Variants in IL1RAPL1 observed in about 807,000 individuals in gnomAD.
IL1RAPL1 encodes the protein interleukin 1 receptor accessory protein like 1.
In IL1RAPL1, 3 loss-of-function variants were observed where a neutral mutation model predicts 48.4. The ratio of observed to expected loss-of-function variants is 0.06; its 90% CI spans 0.03 to 0.16. The LOEUF (loss-of-function observed/expected upper bound fraction) is 0.16, where lower values mean the gene tolerates loss of function less well. Among genes scored for constraint, IL1RAPL1 ranks in the 10% least tolerant of loss-of-function variants. The pLI is 1.00. For missense variants in IL1RAPL1, 349 were observed against 530.6 expected (o/e 0.66, Z 3.36); for synonymous variants, 185 against 187.7 (o/e 0.99, Z 0.12).
intron 2 of IL1RAPL1, among the ~76,000 whole-genome samples, chrX:29,023,499 T>G (rs1406439395): frequency 8.9e-6 from 1 of 112,754 alleles, no homozygotes; most frequent in African/African-American, 3.2e-5. Context: ...GATTGCTTTA[T>G]GCATCTGCAA....
intron 1 of IL1RAPL1, among the ~76,000 whole-genome samples, chrX:28,705,849 T>A (rs183082643): frequency 8.9e-6 from 1 of 112,287 alleles, no homozygotes; most frequent in East Asian, 2.8e-4. Flanking sequence ...TAGCTACAAC[T>A]AGTAAAATTG....
chrX:29,230,504 C>CAAA lies in IL1RAPL1; in HGVS notation c.83-52405_83-52403dup, dbSNP rs60539139. ...TGCTCTATCATTATGGTCCCTTTAC[C>CAAA]AAAAAAAAAAAAAAAAAAAAAAAAA... On this transcript the variant is annotated intron_variant, in intron 2 of 10. Coordinates refer to ENST00000378993, the MANE Select transcript of IL1RAPL1 (RefSeq NM_014271.4). Among the ~76,000 whole-genome samples, 20 of 16,591 alleles carry CAAA rather than the reference C, an allele frequency of 1.2e-3. 1 individual carries two copies. Among genetic ancestry groups the CAAA allele is most frequent in the African/African-American group, 4.0e-3 (14 of 3,486 alleles). The allele number at this position is 16,591 out of a possible 115,157, so 14.4% of individuals were successfully genotyped here. A position where few individuals can be genotyped will look rare whatever the true frequency, so the allele number is the denominator to read the frequency against.
chrX:29,537,714 AC>A (rs1264892303), intron 5 of IL1RAPL1, among the ~76,000 whole-genome samples: 1 of 111,091 alleles, frequency 9.0e-6, no homozygotes, highest in Non-Finnish European at 1.9e-5. Context: ...TAGTTGTAGA[AC>A]AGAATGTAAA....
At chrX:28,646,666 G>A (rs1712065244) in intron 1 of IL1RAPL1, among the ~76,000 whole-genome samples, 3 of 111,781 alleles carry the variant, frequency 2.7e-5, no homozygotes, top group South Asian at 3.7e-4. Flanking sequence ...TTTCTCCTTC[G>A]TGGGACAGAA....
chrX:29,874,790 G>T (rs1931869164), intron 6 of IL1RAPL1, among the ~76,000 whole-genome samples: 1 of 112,204 alleles, frequency 8.9e-6, no homozygotes, highest in South Asian at 3.7e-4. Flanking sequence ...GACGCTTCCT[G>T]CAGCATCAAC....
chrX:29,571,251 T>G (rs969264952), intron 5 of IL1RAPL1, among the ~76,000 whole-genome samples: 1 of 110,429 alleles, frequency 9.1e-6, no homozygotes, highest in African/African-American at 3.3e-5. Flanking sequence ...ATAATTTGTC[T>G]AAACAGAGTT....
chrX:29,218,933 T>G (rs1350411179), intron 2 of IL1RAPL1, among the ~76,000 whole-genome samples: 1 of 112,443 alleles, frequency 8.9e-6, no homozygotes, highest in Non-Finnish European at 1.9e-5. Context: ...GCATGTCAAC[T>G]CACATACTTG....
chrX:29,868,498 T>C (rs1203790937), intron 6 of IL1RAPL1, among the ~76,000 whole-genome samples: 2 of 112,161 alleles, frequency 1.8e-5, no homozygotes, highest in African/African-American at 6.5e-5. Flanking sequence ...CCATTCTCTC[T>C]GGCTAGGCCC....
intron 6 of IL1RAPL1, among the ~76,000 whole-genome samples, chrX:29,915,893 TCC>T (rs1321357774): frequency 3.3e-5 from 1 of 30,401 alleles, no homozygotes; most frequent in Non-Finnish European, 5.9e-5. Context: ...ATGCTATCCC[TCC>T]CCCCTCCCCC....
At chrX:29,738,228 A>G (rs928430231) in intron 6 of IL1RAPL1, among the ~76,000 whole-genome samples, 3 of 110,453 alleles carry the variant, frequency 2.7e-5, no homozygotes, top group Non-Finnish European at 3.8e-5. Context: ...TTTTATCTAC[A>G]TTAAATACAT....
chrX:29,696,801 A>T (rs1423393137), intron 6 of IL1RAPL1, among the ~76,000 whole-genome samples: 9 of 109,692 alleles, frequency 8.2e-5, no homozygotes, highest in African/African-American at 2.6e-4. Context: ...TTTTTTTTTT[A>T]AATTGGTAGA....
In IL1RAPL1 at chrX:29,592,777, AG is replaced by A. The variant is rs111875429; in HGVS notation, c.704-75652del. The stretch of plus-strand genomic sequence containing the variant: ...TCTGAGATTTTATGGTGCCGAGAGG[AG>A]CCCCCCTCACCAATGTCCTGGCCTC... On this transcript the variant is annotated intron_variant, in intron 5 of 10. Transcript: ENST00000378993. Among the ~76,000 whole-genome samples, 319 of 87,634 alleles carry A rather than the reference AG, an allele frequency of 3.6e-3. 4 individuals carry two copies. The highest frequency in any genetic ancestry group is 0.013 in the African/African-American group (280 of 22,322). 76.1% of individuals were successfully genotyped at this position (87,634 alleles called of 115,157 possible).
chrX:28,646,263 T>G (rs1365233011), intron 1 of IL1RAPL1, among the ~76,000 whole-genome samples: 2 of 111,863 alleles, frequency 1.8e-5, no homozygotes, highest in Non-Finnish European at 3.8e-5. Context: ...CATACACCTA[T>G]GAGAATGTAG....
chrX:29,529,532 G>T (rs751365709), intron 5 of IL1RAPL1, among the ~76,000 whole-genome samples: 1 of 106,649 alleles, frequency 9.4e-6, no homozygotes, highest in South Asian at 4.3e-4. Flanking sequence ...AACCCGGGAA[G>T]CAGAGGTTGC....
intron 2 of IL1RAPL1, among the ~76,000 whole-genome samples, chrX:29,239,842 T>C (rs1261439495): frequency 9.0e-6 from 1 of 110,606 alleles, no homozygotes; most frequent in Non-Finnish European, 1.9e-5. Context: ...ACACCCATGT[T>C]CTAGAGGCTT....
intron 6 of IL1RAPL1, among the ~76,000 whole-genome samples, chrX:29,710,109 C>T (rs1172271430): frequency 2.7e-5 from 3 of 111,359 alleles, no homozygotes; most frequent in Non-Finnish European, 5.7e-5. Flanking sequence ...CATCAGCAAA[C>T]AGACTATTTC....
chrX:29,121,633 C>G (rs1928788386), intron 2 of IL1RAPL1, among the ~76,000 whole-genome samples: 2 of 112,115 alleles, frequency 1.8e-5, no homozygotes, highest in Non-Finnish European at 3.8e-5. Context: ...GAACATTTCC[C>G]TCTGATCCTA....
At chrX:28,679,391 C>T (rs1175664599) in intron 1 of IL1RAPL1, among the ~76,000 whole-genome samples, 1 of 111,104 alleles carries the variant, frequency 9.0e-6, no homozygotes, top group African/African-American at 3.3e-5. Flanking sequence ...ATATTTTCTC[C>T]CACTTCGTAA....
At chrX:29,610,904 A>G (rs1429050983) in intron 5 of IL1RAPL1, among the ~76,000 whole-genome samples, 1 of 112,013 alleles carries the variant, frequency 8.9e-6, no homozygotes, top group Non-Finnish European at 1.9e-5. Context: ...CTGATTTTTT[A>G]TCTTGCCCAA....
Sources: allele counts gnomAD v4.1 joint callset (sites outside exome capture counted in the v4.1 genomes callset), GRCh38; gene constraint gnomAD v4.1.1; transcripts MANE v1.5; gene names NCBI Gene and HGNC (gene_info 2026-07-23, HGNC 2026-07-21).